Variants in HCN1 observed in about 807,000 individuals in gnomAD.
The protein encoded by HCN1 is potassium/sodium hyperpolarization-activated cyclic nucleotide-gated channel 1.
HCN1 carries 13 observed loss-of-function variants against 78.9 expected under a neutral mutation model. The ratio of observed to expected loss-of-function variants is 0.16; its 90% confidence interval spans 0.11 to 0.26. HCN1 has a LOEUF of 0.26. Ranked by LOEUF, HCN1 falls within the 10% of genes least tolerant of loss-of-function variation. HCN1 has a pLI of 1.00. For missense variants in HCN1, 810 were observed against 1,154.3 expected, an observed-to-expected ratio of 0.70 and a Z score of 4.32; for synonymous variants, 552 against 455.5, an observed-to-expected ratio of 1.21 and a Z score of -2.70.
chr5:45,581,879 T>C (rs1346147091), intron 2 of HCN1, among the ~76,000 whole-genome samples: 4 of 152,228 alleles, frequency 2.6e-5, no homozygotes, highest in Non-Finnish European at 5.9e-5. Context: ...CATTGGTCTA[T>C]ATTTCTGCTT....
At chr5:45,384,316 C>T (rs1003075755) in intron 4 of HCN1, among the ~76,000 whole-genome samples, 1 of 152,142 alleles carries the variant, frequency 6.6e-6, no homozygotes, top group African/African-American at 2.4e-5. Context: ...GTCTATATTA[C>T]ATCCAATATA....
chr5:45,577,400 C>G (rs2111913202), intron 2 of HCN1, among the ~76,000 whole-genome samples: 1 of 151,986 alleles, frequency 6.6e-6, no homozygotes, highest in South Asian at 2.1e-4. Context: ...ATTAGCTGTG[C>G]TATGTCATAT....
At chr5:45,689,830 T>C (rs978803575) in intron 1 of HCN1, among the ~76,000 whole-genome samples, 2 of 152,152 alleles carry the variant, frequency 1.3e-5, no homozygotes, top group Non-Finnish European at 2.9e-5. Flanking sequence ...AAGATCACTC[T>C]TGTCACTCTA....
chr5:45,396,756 C>T, intron 3 of HCN1, 46 bp from the exon 4 acceptor site: 1 of 1,466,412 alleles, frequency 6.8e-7, no homozygotes. Context: ...ATTAGGATGG[C>T]AGAATGAAAA....
At chr5:45,343,201 A>G (rs1025351895) in intron 5 of HCN1, among the ~76,000 whole-genome samples, 2 of 152,200 alleles carry the variant, frequency 1.3e-5, no homozygotes, top group African/African-American at 4.8e-5. Context: ...GGAAAGCTGG[A>G]GATTTAGCTG....
intron 3 of HCN1, among the ~76,000 whole-genome samples, chr5:45,439,726 A>AT (rs1273586185): frequency 2.0e-5 from 3 of 152,030 alleles, no homozygotes; most frequent in African/African-American, 4.8e-5. Flanking sequence ...ACAGGATATT[A>AT]TTTTTATAAT....
chr5:45,598,236 C>T (rs1361995758), intron 2 of HCN1, among the ~76,000 whole-genome samples: 1 of 151,982 alleles, frequency 6.6e-6, no homozygotes, highest in Non-Finnish European at 1.5e-5. Context: ...CAATGGAACA[C>T]AACAGAGGCC....
intron 2 of HCN1, among the ~76,000 whole-genome samples, chr5:45,523,889 C>T (rs1324254560): frequency 1.3e-5 from 2 of 152,102 alleles, no homozygotes; most frequent in Non-Finnish European, 1.5e-5. Flanking sequence ...TCAATTTTGG[C>T]TTTTGTTGCC....
At chr5:45,672,359 G>A (rs1315334066) in intron 1 of HCN1, among the ~76,000 whole-genome samples, 3 of 151,426 alleles carry the variant, frequency 2.0e-5, no homozygotes, top group African/African-American at 7.3e-5. Flanking sequence ...AGCTAGAAAT[G>A]ATAGTAAAAG....
At chr5:45,418,300 C>G (rs111652399) in intron 3 of HCN1, among the ~76,000 whole-genome samples, 45 of 151,476 alleles carry the variant, frequency 3.0e-4, no homozygotes, top group African/African-American at 9.7e-4. Flanking sequence ...ACAATATATG[C>G]AAACATAAGG....
At chr5:45,659,524 C>T (rs1745872409) in intron 1 of HCN1, among the ~76,000 whole-genome samples, 6 of 131,862 alleles carry the variant, frequency 4.6e-5, no homozygotes, top group Admixed American at 2.3e-4. Context: ...GGAGGACATT[C>T]AAACCAAAGG....
intron 2 of HCN1, among the ~76,000 whole-genome samples, chr5:45,638,855 T>C (rs563221395): frequency 1.1e-4 from 17 of 152,288 alleles, no homozygotes; most frequent in East Asian, 3.9e-4. Flanking sequence ...TGAGCCGAGA[T>C]GGAACCAACT....
chr5:45,556,939 T>G (rs1743482275), intron 2 of HCN1, among the ~76,000 whole-genome samples: 1 of 152,042 alleles, frequency 6.6e-6, no homozygotes, highest in Non-Finnish European at 1.5e-5. Context: ...GTTTAAAGCT[T>G]GACTAATCTC....
chr5:45,549,790 C>A (rs932014525), intron 2 of HCN1, among the ~76,000 whole-genome samples: 8 of 152,090 alleles, frequency 5.3e-5, no homozygotes, highest in African/African-American at 1.7e-4. Flanking sequence ...AGAACTCAAA[C>A]AAATTTACAA....
chr5:45,642,727 C>T (rs1045835917), intron 2 of HCN1: 1 of 152,084 alleles, frequency 6.6e-6, no homozygotes, highest in African/African-American at 2.4e-5. Context: ...GTAAACACAT[C>T]CTGGTGACAT....
intron 1 of HCN1, among the ~76,000 whole-genome samples, chr5:45,690,828 G>T (rs904962365): frequency 3.9e-5 from 6 of 151,976 alleles, no homozygotes; most frequent in Admixed American, 6.6e-5. Context: ...TCTTCATGTA[G>T]TGCTAATGAT....
chr5:45,677,639 G>C (rs529529249), intron 1 of HCN1, among the ~76,000 whole-genome samples: 1 of 151,862 alleles, frequency 6.6e-6, no homozygotes, highest in Admixed American at 6.6e-5. Flanking sequence ...TTTCTTCAAG[G>C]TAGGAATGAA....
intron 2 of HCN1, among the ~76,000 whole-genome samples, chr5:45,492,409 AT>A (rs1741904589): frequency 6.9e-6 from 1 of 144,932 alleles, no homozygotes; most frequent in Non-Finnish European, 1.5e-5. Flanking sequence ...ATATATATAT[AT>A]ATATATATAT....
chr5:45,374,518 A>G (rs1011806840), intron 4 of HCN1, among the ~76,000 whole-genome samples: 2 of 149,772 alleles, frequency 1.3e-5, no homozygotes, highest in Non-Finnish European at 3.0e-5. Context: ...AATCCTGCCA[A>G]CCACAAAAAG....
Sources: gnomAD v4.1 joint callset for allele counts (sites outside exome capture counted in the v4.1 genomes callset) on GRCh38, gnomAD v4.1.1 for gene constraint, MANE v1.5 for transcripts, NCBI Gene and HGNC (gene_info 2026-07-23, HGNC 2026-07-21) for gene names.